PAX5: variants seen among roughly 807,000 people sequenced by gnomAD.
PAX5 encodes paired box protein Pax-5.
In PAX5, 9 loss-of-function variants were observed where a neutral mutation model predicts 43.7. That is an observed-to-expected ratio of 0.21 (90% CI 0.12 to 0.36). The LOEUF (loss-of-function observed/expected upper bound fraction) is 0.36, where lower values mean the gene tolerates loss of function less well. Ranked by LOEUF, PAX5 falls within the 10% of genes least tolerant of loss-of-function variation. The probability of loss-of-function intolerance (pLI) is 1.00; values close to 1 mark genes in which losing one functional copy is unlikely to be tolerated. For missense variants in PAX5, 383 were observed against 532.7 expected (o/e 0.72, Z 2.77); for synonymous variants, 228 against 214.3 (o/e 1.06, Z -0.56).
intron 6 of PAX5, among the ~76,000 whole-genome samples, chr9:36,957,671 C>T (rs1833602011): frequency 6.6e-6 from 1 of 152,184 alleles, no homozygotes; most frequent in Non-Finnish European, 1.5e-5. Flanking sequence ...CTGTTTATCC[C>T]AGTGTGTTAC....
chr9:37,022,286 G>C (rs1839917391), intron 1 of PAX5, among the ~76,000 whole-genome samples: 1 of 152,148 alleles, frequency 6.6e-6, no homozygotes, highest in African/African-American at 2.4e-5. Flanking sequence ...ATAAGAAAAA[G>C]GAAAACCATT....
intron 6 of PAX5, among the ~76,000 whole-genome samples, chr9:36,954,414 G>T (rs1406412730): frequency 6.6e-6 from 1 of 152,182 alleles, no homozygotes; most frequent in Non-Finnish European, 1.5e-5. Flanking sequence ...TGATTTAGCA[G>T]TTCAGCAAGA....
chr9:36,886,579 C>T (rs1390014863), intron 7 of PAX5, among the ~76,000 whole-genome samples: 1 of 152,160 alleles, frequency 6.6e-6, no homozygotes, highest in Non-Finnish European at 1.5e-5. Flanking sequence ...GGAGATGCTA[C>T]TCCCCCTTCT....
intron 3 of PAX5, among the ~76,000 whole-genome samples, chr9:37,009,478 A>G (rs1793805226): frequency 6.6e-6 from 1 of 152,238 alleles, no homozygotes; most frequent in African/African-American, 2.4e-5. Flanking sequence ...CTTTGTAAAG[A>G]TTAATGACTA....
At chr9:36,938,332 T>C (rs1224052551) in intron 6 of PAX5, among the ~76,000 whole-genome samples, 4 of 152,234 alleles carry the variant, frequency 2.6e-5, no homozygotes, top group Admixed American at 1.3e-4. Context: ...GCTAGACATG[T>C]AAACAAACAC....
chr9:36,893,330 G>A (rs1280085902), intron 7 of PAX5: 1 of 151,810 alleles, frequency 6.6e-6, no homozygotes, highest in Non-Finnish European at 1.5e-5. Flanking sequence ...TGCATACTCA[G>A]AGCTCATGTC....
intron 1 of PAX5, among the ~76,000 whole-genome samples, chr9:37,027,645 C>T (rs1840546193): frequency 6.6e-6 from 1 of 152,182 alleles, no homozygotes; most frequent in South Asian, 2.1e-4. Flanking sequence ...GCCTGCTCGG[C>T]GCGCACAGTG....
At chr9:36,884,158 C>T (rs1411234561) in intron 7 of PAX5, among the ~76,000 whole-genome samples, 1 of 152,176 alleles carries the variant, frequency 6.6e-6, no homozygotes, top group African/African-American at 2.4e-5. Context: ...TTTCTCCAAG[C>T]TAGCATAATC....
At chr9:36,921,876 T>C (rs1830199672) in intron 7 of PAX5, among the ~76,000 whole-genome samples, 1 of 151,948 alleles carries the variant, frequency 6.6e-6, no homozygotes, top group African/African-American at 2.4e-5. Context: ...GAAATGGGAG[T>C]GCCTTCAGAG....
intron 5 of PAX5, among the ~76,000 whole-genome samples, chr9:36,980,457 C>T (rs959264298): frequency 1.3e-5 from 2 of 152,148 alleles, no homozygotes; most frequent in African/African-American, 2.4e-5. Context: ...GGGCTTTGGG[C>T]CACCCACTGC....
intron 6 of PAX5, among the ~76,000 whole-genome samples, chr9:36,934,309 T>C (rs1800181103): frequency 1.3e-5 from 2 of 152,202 alleles, no homozygotes; most frequent in Admixed American, 6.5e-5. Flanking sequence ...GCCTTTTGCG[T>C]TTCAGTTTTT....
At chr9:36,942,475 C>CA (rs1457087343) in intron 6 of PAX5, among the ~76,000 whole-genome samples, 1 of 148,634 alleles carries the variant, frequency 6.7e-6, no homozygotes, top group Non-Finnish European at 1.5e-5. Flanking sequence ...GATGTGAAAG[C>CA]AGTCAGGTAA....
At chr9:37,002,531 C>A (rs1405673120) in intron 5 of PAX5, 117 bp downstream of exon 5, 14 of 1,111,390 alleles carry the variant, frequency 1.3e-5, no homozygotes, top group Non-Finnish European at 1.7e-5. Flanking sequence ...CCGGGGGACT[C>A]GCTCCTCTGC....
At chr9:36,866,856 G>T (rs1213200789) in intron 8 of PAX5, among the ~76,000 whole-genome samples, 2 of 152,052 alleles carry the variant, frequency 1.3e-5, no homozygotes, top group Non-Finnish European at 2.9e-5. Context: ...ACACACAACG[G>T]CCTCTCCGTT....
chr9:36,986,833 G>C (rs984519298), intron 5 of PAX5, among the ~76,000 whole-genome samples: 2 of 152,198 alleles, frequency 1.3e-5, no homozygotes, highest in African/African-American at 4.8e-5. Context: ...ATATGACTCG[G>C]TGCGCCCTTG....
chr9:36,962,732 G>A (rs757956421), intron 6 of PAX5, among the ~76,000 whole-genome samples: 9 of 152,232 alleles, frequency 5.9e-5, no homozygotes, highest in Non-Finnish European at 7.3e-5. Flanking sequence ...AGGCCAGTAA[G>A]TGCTCTTTGT....
chr9:36,947,386 CATTT>C (rs1459227850), intron 6 of PAX5, among the ~76,000 whole-genome samples: 2 of 152,096 alleles, frequency 1.3e-5, no homozygotes, highest in Non-Finnish European at 2.9e-5. Flanking sequence ...TTTACGTATT[CATTT>C]GTTTATTTAT....
At chr9:36,950,168 G>C (rs1336655464) in intron 6 of PAX5, among the ~76,000 whole-genome samples, 1 of 152,104 alleles carries the variant, frequency 6.6e-6, no homozygotes, top group African/African-American at 2.4e-5. Context: ...GTAACCAACA[G>C]GTAGATAAAG....
Position 36,840,067 on chromosome 9 carries a change from A to G in PAX5, c.*493T>C. The G allele has an allele frequency of 7.3e-6, 2 of 275,168 alleles. No homozygotes were observed. The highest frequency in any genetic ancestry group is 1.4e-5 in the Non-Finnish European group (2 of 143,264). 17.0% of individuals were successfully genotyped at this position (275,168 alleles called of 1,614,324 possible). On this transcript the variant is annotated 3_prime_UTR_variant, in exon 10 of 10. Transcript: ENST00000358127. ...CCCAGGGCAGAGAGGATGCTCTGCCATAGGTCTAAGATGTCCGGTGATGCA... is the reference window on the plus strand; with the variant it reads ...CCCAGGGCAGAGAGGATGCTCTGCCGTAGGTCTAAGATGTCCGGTGATGCA...
Sources: gnomAD v4.1 joint callset for allele counts (sites outside exome capture counted in the v4.1 genomes callset) on GRCh38, gnomAD v4.1.1 for gene constraint, MANE v1.5 for transcripts, NCBI Gene and HGNC (gene_info 2026-07-23, HGNC 2026-07-21) for gene names.